Variants in PTPRS observed in about 807,000 individuals in gnomAD.
PTPRS encodes the protein receptor-type tyrosine-protein phosphatase S.
A neutral mutation model predicts 215.3 loss-of-function variants in PTPRS; 63 were observed. The ratio of observed to expected loss-of-function variants is 0.29; its 90% confidence interval spans 0.24 to 0.36. The LOEUF (loss-of-function observed/expected upper bound fraction) is 0.36, where lower values mean the gene tolerates loss of function less well. Ranked by LOEUF, PTPRS falls within the 10% of genes least tolerant of loss-of-function variation. The probability of loss-of-function intolerance (pLI) is 1.00; values close to 1 mark genes in which losing one functional copy is unlikely to be tolerated. For synonymous variants in PTPRS, 1,404 were observed against 1,191.4 expected, an observed-to-expected ratio of 1.18 and a Z score of -3.68; for missense variants, 2,258 against 2,825.8, an observed-to-expected ratio of 0.80 and a Z score of 4.56.
chr19:5,211,034 G>T (rs955867145), intron 33 of PTPRS, among the ~76,000 whole-genome samples: 1 of 152,124 alleles, frequency 6.6e-6, no homozygotes, highest in African/African-American at 2.4e-5. Context: ...CAAAGCTGCG[G>T]GACTATCCAC....
intron 4 of PTPRS, among the ~76,000 whole-genome samples, chr19:5,268,762 C>A (rs543482553): frequency 6.6e-6 from 1 of 152,326 alleles, no homozygotes; most frequent in South Asian, 2.1e-4. Context: ...GAGGCACAGG[C>A]AGTCACACAC....
chr19:5,224,600 C>T (rs1316852470), intron 17 of PTPRS, among the ~76,000 whole-genome samples: 1 of 152,218 alleles, frequency 6.6e-6, no homozygotes, highest in African/African-American at 2.4e-5. Context: ...TACTGCAGGA[C>T]TTATCAGGGC....
intron 1 of PTPRS, among the ~76,000 whole-genome samples, chr19:5,305,765 A>ATATATT (rs1491188046): frequency 9.5e-4 from 89 of 93,390 alleles, no homozygotes; most frequent in African/African-American, 3.9e-3. Context: ...ATATATATAT[A>ATATATT]TTTTTTTTTT....
intron 4 of PTPRS, among the ~76,000 whole-genome samples, 166 bp from the exon 5 acceptor site, chr19:5,265,362 G>A (rs1283717887): frequency 1.3e-5 from 2 of 152,082 alleles, no homozygotes; most frequent in African/African-American, 4.8e-5. Context: ...CTTTTTTTGA[G>A]ACAGGGTCTT....
chr19:5,297,851 G>A (rs941706564), intron 1 of PTPRS, among the ~76,000 whole-genome samples: 1 of 147,806 alleles, frequency 6.8e-6, no homozygotes, highest in Non-Finnish European at 1.5e-5. Context: ...GGAGTGCAGT[G>A]GCACGATCTC....
chr19:5,292,948 G>A (rs1219703525), intron 1 of PTPRS, among the ~76,000 whole-genome samples: 1 of 152,124 alleles, frequency 6.6e-6, no homozygotes, highest in Non-Finnish European at 1.5e-5. Flanking sequence ...CAAGCGACGG[G>A]CCTGAATGGG....
intron 33 of PTPRS, 43 bp downstream of exon 33, chr19:5,211,547 G>A: frequency 6.3e-7 from 1 of 1,576,574 alleles, no homozygotes; most frequent in South Asian, 1.1e-5. Context: ...AGTAGAGATG[G>A]GCTCCTTCTG....
chr19:5,285,972 G>T, intron 2 of PTPRS, 78 bp downstream of exon 2: 1 of 1,377,646 alleles, frequency 7.3e-7, no homozygotes, highest in Non-Finnish European at 1.0e-6. Context: ...TGGGGAGTGT[G>T]CCCACACACA....
intron 22 of PTPRS, 24 bp downstream of exon 22, chr19:5,219,915 G>A (rs772276435): frequency 1.2e-6 from 2 of 1,608,224 alleles, no homozygotes; most frequent in African/African-American, 1.3e-5. Context: ...GTCTGGATGT[G>A]GGCGGACACC....
intron 9 of PTPRS, among the ~76,000 whole-genome samples, chr19:5,250,458 G>C (rs949216106): frequency 6.6e-6 from 1 of 152,132 alleles, no homozygotes; most frequent in African/African-American, 2.4e-5. Flanking sequence ...CGGTGCCCAC[G>C]GGACGGAGAG....
rs1568568575 is a variant in PTPRS, at chr19:5,286,078, G to T, written c.63C>A (p.Val21=). 1 of 1,614,052 alleles carries T rather than the reference G, an allele frequency of 6.2e-7. No individual in the cohort carries two copies. Among genetic ancestry groups the T allele is most frequent in the African/African-American group, 1.3e-5 (1 of 75,050 alleles). ...CTGCTGCACAGCCTCCAACGAGCAG[G>T]ACCACAAGGAGGCCCATGGGACCAA... is the stretch of plus-strand genomic sequence containing the variant. ...SVVGPMGLLV[V]LLVGGCAAEE... The change falls in exon 2 of 38, where the codon GTC becomes GTA. Residue 21 remains valine, a synonymous_variant. Transcript: ENST00000262963.
Position 5,257,947 on chromosome 19 carries a change from T to G in PTPRS, c.706+70A>C, listed in dbSNP as rs1189801210. 5 of 1,364,060 alleles carry G rather than the reference T, an allele frequency of 3.7e-6. No individual in the cohort carries two copies. In the South Asian group the frequency reaches 5.1e-5, roughly 14 times the overall value. The allele number at this position is 1,364,060 out of a possible 1,614,324, so 84.5% of individuals were successfully genotyped here. ...AGGGGACGGGGGAGCCCGGAGGCGG[T>G]GAGCCCGAGGAGGGAGGGGGATGGG... On this transcript the variant is annotated intron_variant, in intron 8 of 37. Transcript: ENST00000262963. The surrounding 1 kb of genome is among the most constrained non-coding windows in gnomAD (Gnocchi z 4.4).
rs768464321 is a variant in PTPRS at position 5,223,227 on chromosome 19, C to A, written c.2565G>T (p.Pro855=). The part of the protein sequence containing the change: ...EGSLLARWEP[P]AGTAEDQVLG... ...GCACCTGGTCCTCCGCGGTGCCAGC[C>A]GGGGGCTCCCAGCGTGCCAGCAGGC... The change falls in exon 18 of 38, where the codon CCG becomes CCT. Residue 855 remains proline, a synonymous_variant. Coordinates refer to ENST00000262963, the MANE Select transcript of PTPRS (RefSeq NM_002850.4). 6.7e-7 allele frequency: 1 copy of A among 1,494,210 alleles called. No homozygotes were observed. The highest frequency in any genetic ancestry group is 8.9e-7 in the Non-Finnish European group (1 of 1,122,024). 92.6% of individuals were successfully genotyped at this position (1,494,210 alleles called of 1,614,324 possible).
chr19:5,280,001 T>C (rs185131014), intron 2 of PTPRS, among the ~76,000 whole-genome samples: 74 of 152,274 alleles, frequency 4.9e-4, no homozygotes, highest in African/African-American at 1.6e-3. Flanking sequence ...TTTTAAAACA[T>C]AAAATTGCTT....
At chr19:5,311,868 G>A (rs1165667510) in intron 1 of PTPRS, among the ~76,000 whole-genome samples, 3 of 151,970 alleles carry the variant, frequency 2.0e-5, no homozygotes, top group South Asian at 2.1e-4. Flanking sequence ...GTGAAACCCC[G>A]TCTCTACTAA....
intron 12 of PTPRS, 85 bp from the exon 13 acceptor site, chr19:5,239,148 A>T: frequency 2.7e-6 from 2 of 742,904 alleles, no homozygotes; most frequent in Non-Finnish European, 4.1e-6. Flanking sequence ...GAGAGACAGA[A>T]ACAGAGGGGG....
chr19:5,222,633 T>TG (rs2042095046), intron 18 of PTPRS, 56 bp downstream of exon 18: 10 of 468,840 alleles, frequency 2.1e-5, no homozygotes, highest in South Asian at 5.9e-5. Context: ...GGGGCTGGGG[T>TG]GGGGGTGGGC....
At chr19:5,261,122 G>A (rs1202246174) in intron 6 of PTPRS, among the ~76,000 whole-genome samples, 6 of 152,206 alleles carry the variant, frequency 3.9e-5, no homozygotes, top group South Asian at 2.1e-4. Flanking sequence ...GGTGAGGGGC[G>A]TCTCTATGCC....
chr19:5,319,443 T>C (rs1203853419), intron 1 of PTPRS, among the ~76,000 whole-genome samples: 1 of 146,902 alleles, frequency 6.8e-6, no homozygotes, highest in Non-Finnish European at 1.5e-5. Context: ...TAAAAAGCTA[T>C]CCCAAATCCA....
Sources: allele counts gnomAD v4.1 joint callset (sites outside exome capture counted in the v4.1 genomes callset), GRCh38; gene constraint gnomAD v4.1.1; non-coding constraint Gnocchi (gnomAD v3.1); transcripts MANE v1.5; gene names NCBI Gene and HGNC (gene_info 2026-07-23, HGNC 2026-07-21).